TRIM49B: variants seen among roughly 807,000 people sequenced by gnomAD.
The protein encoded by TRIM49B is putative tripartite motif-containing protein 49B.
Under a neutral mutation model 31.8 loss-of-function variants are expected in TRIM49B, and 18 were observed. The observed-to-expected ratio is 0.57, with a 90% CI of 0.39 to 0.84. The LOEUF (loss-of-function observed/expected upper bound fraction) is 0.84. TRIM49B is among the 40% of genes least tolerant of loss of function. The pLI is 0.00. For synonymous variants in TRIM49B, 196 were observed against 180.6 expected (o/e 1.09, Z -0.68); for missense variants, 494 against 538.7 (o/e 0.92, Z 0.82).
intron 1 of TRIM49B, among the ~76,000 whole-genome samples, chr11:49,030,775 T>A (rs1382811305): frequency 6.6e-6 from 1 of 152,146 alleles, no homozygotes; most frequent in Non-Finnish European, 1.5e-5. Flanking sequence ...GTCAGACTGA[T>A]ACCTAAAATT....
intron 3 of TRIM49B, among the ~76,000 whole-genome samples, chr11:49,033,064 ATTAG>A (rs375708140): frequency 6.6e-5 from 10 of 152,270 alleles, no homozygotes; most frequent in African/African-American, 1.9e-4. Context: ...GATAGCTAAT[ATTAG>A]TTTGTTGAAA....
chr11:49,030,715 A>G (rs1854433234), intron 1 of TRIM49B, among the ~76,000 whole-genome samples: 1 of 152,046 alleles, frequency 6.6e-6, no homozygotes, highest in African/African-American at 2.4e-5. Context: ...ACCTTCACAG[A>G]CTCACCCACA....
intron 5 of TRIM49B, among the ~76,000 whole-genome samples, chr11:49,035,452 C>T (rs1217115118): frequency 1.4e-5 from 2 of 144,320 alleles, no homozygotes; most frequent in Non-Finnish European, 3.0e-5. Flanking sequence ...CTCCGCCTCC[C>T]GGGTTCACAC....
intron 1 of TRIM49B, 61 bp downstream of exon 1, chr11:49,029,036 T>A (rs978553933): frequency 2.7e-5 from 4 of 146,976 alleles, no homozygotes; most frequent in African/African-American, 1.0e-4. Context: ...TAAATTAGAG[T>A]GTTAAAAATA....
At chr11:49,032,911 G>A (rs1433356267) in intron 3 of TRIM49B, among the ~76,000 whole-genome samples, 2 of 152,184 alleles carry the variant, frequency 1.3e-5, no homozygotes, top group Admixed American at 1.3e-4. Flanking sequence ...AAAGTGGTGA[G>A]AAATACGGAT....
chr11:49,028,968 A>G lies in TRIM49B; in HGVS notation c.-12A>G, dbSNP rs1457425991. On this transcript the variant is annotated 5_prime_UTR_variant, in exon 1 of 7. Transcript: ENST00000332682. ...AATCGTTGTGGGAACCATTAAAAGA[A>G]CTCAGGGGTGAGTGAAACATATTGA... 3.3e-5 allele frequency: 5 copies of G among 153,686 alleles called. No individual in the cohort carries two copies. In the East Asian group the frequency reaches 9.6e-4, roughly 30 times the overall value. The allele number at this position is 153,686 out of a possible 1,614,324, so 9.5% of individuals were successfully genotyped here. A position where few individuals can be genotyped will look rare whatever the true frequency, so the allele number is the denominator to read the frequency against.
At chr11:49,033,555 A>G (rs1854481327) in intron 3 of TRIM49B, among the ~76,000 whole-genome samples, 1 of 152,104 alleles carries the variant, frequency 6.6e-6, no homozygotes, top group South Asian at 2.1e-4. Context: ...ATATGCAGTA[A>G]TTTTGAGTTT....
At position 49,037,477 on chromosome 11, in the gene TRIM49B, G is replaced by A. The variant is rs755945340; in HGVS notation, c.860-1G>A. 12 of 1,609,008 alleles carry A rather than the reference G, an allele frequency of 7.5e-6. No individual in the cohort carries two copies. In the African/African-American group the frequency reaches 8.1e-5, roughly 11 times the overall value. On this transcript the variant is annotated splice_acceptor_variant, in intron 6 of 6. Coordinates refer to ENST00000332682, the MANE Select transcript of TRIM49B (RefSeq NM_001206626.2). LOFTEE classifies it high-confidence loss of function. ...ATGCATGTTTTCTCTTTTTTTTGCAGTGCATATTACTCTGCATCATGAAGA... is the reference window on the plus strand; with the variant it reads ...ATGCATGTTTTCTCTTTTTTTTGCAATGCATATTACTCTGCATCATGAAGA...
Position 49,037,671 on chromosome 11 carries a change from G to A in TRIM49B, c.1053G>A (p.Trp351Ter), listed in dbSNP as rs529342769. The A allele has an allele frequency of 4.4e-5, 71 of 1,613,938 alleles. No homozygotes were observed. The African/African-American group carries it at 8.8e-4, about 20-fold the overall frequency. Residue 351 changes from tryptophan (W) to a stop codon, truncating the protein, a stop_gained, in exon 7 of 7, where the codon TGG (tryptophan) becomes TGA (stop). Coordinates refer to ENST00000332682, the MANE Select transcript of TRIM49B (RefSeq NM_001206626.2). LOFTEE classifies it low-confidence loss of function (END_TRUNC). ...YYWEVHVGDS[W>*]NWAFGVCNMY... is the part of the protein sequence containing the mutation. ...GGGAGGTCCATGTAGGGGACTCCTG[G>A]AATTGGGCTTTTGGTGTCTGTAATA... is the stretch of plus-strand genomic sequence containing the variant.
intron 5 of TRIM49B, 29 bp downstream of exon 5, chr11:49,035,146 GTTC>G: frequency 6.3e-7 from 1 of 1,581,234 alleles, no homozygotes; most frequent in East Asian, 2.3e-5. Context: ...TTTAGCATAT[GTTC>G]TTTAAGATTC....
intron 6 of TRIM49B, 123 bp from the exon 7 acceptor site, chr11:49,037,355 C>T (rs1479351749): frequency 8.1e-7 from 1 of 1,237,310 alleles, no homozygotes; most frequent in Non-Finnish European, 1.1e-6. Context: ...CATCTCTATA[C>T]TTTACTAGAA....
chr11:49,035,968 C>T (rs1031704029), intron 5 of TRIM49B, among the ~76,000 whole-genome samples: 8 of 133,744 alleles, frequency 6.0e-5, no homozygotes, highest in African/African-American at 2.3e-4. Context: ...CTCCCCAGAA[C>T]CCCGCTATTT....
At chr11:49,032,755 CA>C (rs1254028341) in intron 3 of TRIM49B, among the ~76,000 whole-genome samples, 1 of 151,966 alleles carries the variant, frequency 6.6e-6, no homozygotes, top group Non-Finnish European at 1.5e-5. Flanking sequence ...TGTCAGTCAG[CA>C]TTAATCTGAA....
At position 49,037,835 on chromosome 11, in the gene TRIM49B, C is replaced by G. The variant is rs1854554010; in HGVS notation, c.1217C>G (p.Thr406Ser). 4 of 1,613,814 alleles carry G rather than the reference C, an allele frequency of 2.5e-6. No homozygotes were observed. Among genetic ancestry groups the G allele is most frequent in the African/African-American group, 1.3e-5 (1 of 74,920 alleles). Residue 406 changes from threonine (T) to serine (S), a missense_variant, in exon 7 of 7, where the codon ACC becomes AGC. Coordinates refer to ENST00000332682, the MANE Select transcript of TRIM49B (RefSeq NM_001206626.2). ...PLLLQYIPRPTSRVGLFLDCE... is the reference protein window; with the variant it reads ...PLLLQYIPRPSSRVGLFLDCE... ...CTGCTGCAATATATCCCAAGACCTA[C>G]CAGCCGAGTAGGATTATTCCTGGAT...
chr11:49,037,427 T>A lies in TRIM49B; in HGVS notation c.860-51T>A. On this transcript the variant is annotated intron_variant, in intron 6 of 6. Transcript: ENST00000332682. ...GGTAAAGTAACTTCTTGATAGACAA[T>A]TATTTTTTTCTTATTTACACGTCTA... The A allele has an allele frequency of 1.9e-6, 3 of 1,543,014 alleles. No homozygotes were observed. In the South Asian group the frequency reaches 3.7e-5, roughly 19 times the overall value.
rs1343007581 is a variant in TRIM49B, at chr11:49,037,515, T to C, written c.897T>C (p.Asp299=). The part of the protein sequence containing the change: ...ITLHHEEANS[D]IFLCEILRSM... ...TGCATCATGAAGAAGCCAACAGTGA[T>C]ATCTTTCTATGTGAAATTTTGAGAA... The change falls in exon 7 of 7, where the codon GAT becomes GAC. Residue 299 remains aspartate (D), a synonymous_variant. Transcript: ENST00000332682. 9.9e-6 allele frequency: 16 copies of C among 1,614,104 alleles called. No individual in the cohort carries two copies. Among genetic ancestry groups the C allele is most frequent in the Non-Finnish European group, 1.3e-5 (15 of 1,180,044 alleles).
rs763338169 is a variant in TRIM49B at position 49,032,007 on chromosome 11, C to A, written c.408C>A (p.His136Gln). 4 of 1,611,958 alleles carry A rather than the reference C, an allele frequency of 2.5e-6. No homozygotes were observed. In the South Asian group the frequency reaches 4.4e-5, roughly 18 times the overall value. ...CCATTGAGTCGGCTGCTGAGGAACACCAGGTAAGTGATGGCTCTGAAGATC... is the reference window on the plus strand; with the variant it reads ...CCATTGAGTCGGCTGCTGAGGAACAACAGGTAAGTGATGGCTCTGAAGATC... ...HCPIESAAEE[H>Q]QEKLLQKMQS... Residue 136 changes from histidine (H) to glutamine (Q), a missense_variant, in exon 2 of 7, where the codon CAC becomes CAA. Coordinates refer to ENST00000332682, the MANE Select transcript of TRIM49B (RefSeq NM_001206626.2).
chr11:49,032,990 T>C (rs543956179), intron 3 of TRIM49B, among the ~76,000 whole-genome samples: 1 of 152,256 alleles, frequency 6.6e-6, no homozygotes, highest in South Asian at 2.1e-4. Context: ...TAAGGAGAAC[T>C]CTGAGGACTT....
Position 49,036,372 on chromosome 11 carries a change from T to C in TRIM49B, c.833T>C (p.Leu278Pro), listed in dbSNP as rs549736007. The C allele has an allele frequency of 1.9e-5, 30 of 1,575,366 alleles. No homozygotes were observed. The African/African-American group carries it at 2.6e-4, about 14-fold the overall frequency. ...PELSAGPITG[L>P]RDRLNQFRVH... ...CTCAGTGCAGGGCCCATCACTGGAC[T>C]GAGGGACAGGCTCAACCAATTCCGA... Residue 278 changes from leucine to proline, a missense_variant, in exon 6 of 7, where the codon CTG becomes CCG. Leu to Pro is a moderately conservative substitution (Grantham distance 98). Transcript: ENST00000332682.
Sources: allele counts gnomAD v4.1 joint callset (sites outside exome capture counted in the v4.1 genomes callset), GRCh38; gene constraint gnomAD v4.1.1; transcripts MANE v1.5; gene names NCBI Gene and HGNC (gene_info 2026-07-23, HGNC 2026-07-21).